Variants in CNTNAP2 observed in about 807,000 individuals in gnomAD.
CNTNAP2 encodes contactin-associated protein-like 2.
A neutral mutation model predicts 155.2 loss-of-function variants in CNTNAP2; 98 were observed. The ratio of observed to expected loss-of-function variants is 0.63; its 90% CI spans 0.54 to 0.75. CNTNAP2 has a LOEUF of 0.75. Ranked by LOEUF, CNTNAP2 falls within the 30% of genes least tolerant of loss-of-function variation. The pLI, the probability that CNTNAP2 is intolerant of heterozygous loss-of-function variation, is 0.00. For missense variants in CNTNAP2, 1,727 were observed against 1,688.1 expected (o/e 1.02, Z -0.40); for synonymous variants, 651 against 631.2 (o/e 1.03, Z -0.47).
chr7:146,362,700 A>T (rs1010574712), intron 1 of CNTNAP2, among the ~76,000 whole-genome samples: 1 of 151,468 alleles, frequency 6.6e-6, no homozygotes, highest in Non-Finnish European at 1.5e-5. Flanking sequence ...GAAGGGTTTT[A>T]GGTAGGGGAG....
intron 8 of CNTNAP2, among the ~76,000 whole-genome samples, chr7:147,288,321 T>A (rs1185615386): frequency 2.0e-5 from 3 of 152,220 alleles, no homozygotes; most frequent in Non-Finnish European, 4.4e-5. Flanking sequence ...GGGCCTTGTG[T>A]GTCTTCTTTA....
chr7:148,051,109 A>G (rs189532639), intron 15 of CNTNAP2, among the ~76,000 whole-genome samples: 1 of 152,272 alleles, frequency 6.6e-6, no homozygotes, highest in East Asian at 1.9e-4. Context: ...GCTTGTTTTG[A>G]GTTCATTTTG....
intron 1 of CNTNAP2, among the ~76,000 whole-genome samples, chr7:146,650,739 G>A (rs959984274): frequency 6.6e-6 from 1 of 152,094 alleles, no homozygotes; most frequent in African/African-American, 2.4e-5. Context: ...ATAATGGAAA[G>A]AGTACATTGT....
intron 3 of CNTNAP2, among the ~76,000 whole-genome samples, chr7:147,029,986 T>C (rs1054827965): frequency 1.3e-5 from 2 of 152,226 alleles, no homozygotes; most frequent in African/African-American, 4.8e-5. Flanking sequence ...TCATCATATT[T>C]GCTGCCATTA....
intron 1 of CNTNAP2, among the ~76,000 whole-genome samples, chr7:146,633,266 C>A (rs1318251614): frequency 1.3e-5 from 2 of 152,184 alleles, no homozygotes; most frequent in African/African-American, 2.4e-5. Context: ...GAGTCAGAAA[C>A]CTTTTGCCCT....
chr7:147,059,792 ACTCT>A (rs891217809), intron 4 of CNTNAP2, among the ~76,000 whole-genome samples: 21 of 152,116 alleles, frequency 1.4e-4, no homozygotes, highest in African/African-American at 4.8e-4. Flanking sequence ...GAATTAACTT[ACTCT>A]CATAACAAGC....
intron 1 of CNTNAP2, among the ~76,000 whole-genome samples, chr7:146,137,033 G>A (rs1223876144): frequency 1.3e-5 from 2 of 152,138 alleles, no homozygotes; most frequent in African/African-American, 2.4e-5. Flanking sequence ...AATTTGAAAA[G>A]GGGAAAATGT....
At chr7:146,792,035 T>A (rs1563232480) in intron 2 of CNTNAP2, among the ~76,000 whole-genome samples, 4 of 152,172 alleles carry the variant, frequency 2.6e-5, no homozygotes. Context: ...ACTGCGGGAA[T>A]AACAGAAAGG....
chr7:147,901,591 T>G (rs1385493824), intron 13 of CNTNAP2, among the ~76,000 whole-genome samples: 3 of 152,234 alleles, frequency 2.0e-5, no homozygotes, highest in African/African-American at 7.2e-5. Flanking sequence ...TCTGTCTTTT[T>G]ACATTCTGCT....
chr7:148,219,036 G>A (rs1202593642), intron 19 of CNTNAP2, among the ~76,000 whole-genome samples: 3 of 135,720 alleles, frequency 2.2e-5, no homozygotes, highest in Non-Finnish European at 4.5e-5. Context: ...TCCGCCCCTC[G>A]AGTTCAAGCA....
chr7:147,101,348 A>G (rs945058668), intron 4 of CNTNAP2, among the ~76,000 whole-genome samples: 2 of 152,136 alleles, frequency 1.3e-5, no homozygotes, highest in Admixed American at 1.3e-4. Context: ...GTGTGGCTCC[A>G]TTTCTCGCTC....
At chr7:147,309,929 A>C (rs1795092369) in intron 9 of CNTNAP2, among the ~76,000 whole-genome samples, 1 of 152,118 alleles carries the variant, frequency 6.6e-6, no homozygotes, top group South Asian at 2.1e-4. Flanking sequence ...AATGAGAAAA[A>C]AATTTTCAAT....
At chr7:146,779,382 C>G (rs761170482) in intron 2 of CNTNAP2, among the ~76,000 whole-genome samples, 5 of 152,202 alleles carry the variant, frequency 3.3e-5, no homozygotes, top group Admixed American at 2.6e-4. Context: ...AGCTAGGGAA[C>G]AGTGGCACAG....
At chr7:147,849,731 T>A (rs183865269) in intron 13 of CNTNAP2, among the ~76,000 whole-genome samples, 1 of 152,210 alleles carries the variant, frequency 6.6e-6, no homozygotes, top group Non-Finnish European at 1.5e-5. Context: ...GACCCAGCCA[T>A]GCCCTTTCTG....
At chr7:148,403,654 C>T (rs572913033) in intron 22 of CNTNAP2, among the ~76,000 whole-genome samples, 1 of 152,196 alleles carries the variant, frequency 6.6e-6, no homozygotes, top group African/African-American at 2.4e-5. Context: ...ATCCATGTCT[C>T]AGTCATGTTT....
intron 21 of CNTNAP2, among the ~76,000 whole-genome samples, chr7:148,320,388 T>C (rs563312682): frequency 0.024 from 3,234 of 137,416 alleles, 138 homozygotes; most frequent in African/African-American, 0.083. Context: ...TTTTTTTTTT[T>C]TTTTTTTTTT....
intron 3 of CNTNAP2, among the ~76,000 whole-genome samples, chr7:146,856,221 ATAGG>A (rs1371876758): frequency 4.0e-5 from 6 of 151,770 alleles, no homozygotes; most frequent in Non-Finnish European, 2.9e-5. Context: ...TATAGAGATG[ATAGG>A]TAGGTAGGTA....
intron 18 of CNTNAP2, among the ~76,000 whole-genome samples, chr7:148,208,105 G>A (rs1423594987): frequency 8.0e-5 from 12 of 149,660 alleles, no homozygotes; most frequent in Non-Finnish European, 1.6e-4. Flanking sequence ...AAAAAAAAAA[G>A]AGGTCATCAC....
intron 1 of CNTNAP2, among the ~76,000 whole-genome samples, chr7:146,163,573 C>CTATATCTATCTA (rs1439369967): frequency 5.2e-5 from 5 of 96,036 alleles, no homozygotes; most frequent in African/African-American, 2.3e-4. Flanking sequence ...CTATCTATAT[C>CTATATCTATCTA]TATCTATCTA....
Sources: allele counts gnomAD v4.1 joint callset (sites outside exome capture counted in the v4.1 genomes callset), GRCh38; gene constraint gnomAD v4.1.1; transcripts MANE v1.5; gene names NCBI Gene and HGNC (gene_info 2026-07-23, HGNC 2026-07-21).